The following YTHDF1 variants were observed in gnomAD, a reference collection of about 807,000 sequenced individuals.
The protein encoded by YTHDF1 is YTH domain-containing family protein 1.
In YTHDF1, 16 loss-of-function variants were observed where a neutral mutation model predicts 49.1. The ratio of observed to expected loss-of-function variants is 0.33; its 90% CI spans 0.22 to 0.49. The LOEUF is 0.49. Among genes scored for constraint, YTHDF1 ranks in the 20% least tolerant of loss-of-function variants. YTHDF1 has a pLI of 0.99. For missense variants in YTHDF1, 621 were observed against 744.3 expected (o/e 0.83, Z 1.93); for synonymous variants, 313 against 290.1 (o/e 1.08, Z -0.80).
Position 63,203,524 on chromosome 20 carries a change from C to A in YTHDF1, c.416G>T (p.Gly139Val). ...FSAWGTSGSQGQQTQSSAYGS... is the reference protein window; with the variant it reads ...FSAWGTSGSQVQQTQSSAYGS... ...ATACGCGGAGCTCTGGGTCTGCTGA[C>A]CTTGAGACCCACTTGTCCCCCATGC... is the stretch of plus-strand genomic sequence containing the variant. The change falls in exon 4 of 5, where the codon GGT becomes GTT. Residue 139 changes from glycine to valine, a missense_variant. Gly to Val is a moderately radical substitution (Grantham distance 109). Transcript: ENST00000370339. This position sits in a 1 kb window ranked among gnomAD's most constrained non-coding sequence, Gnocchi z 4.4. 6.2e-7 allele frequency: 1 copy of A among 1,613,966 alleles called. No individual in the cohort carries two copies. The highest frequency in any genetic ancestry group is 8.5e-7 in the Non-Finnish European group (1 of 1,180,040).
intron 1 of YTHDF1, 23 bp from the exon 2 acceptor site, chr20:63,215,624 G>A: frequency 1.9e-6 from 3 of 1,604,950 alleles, no homozygotes; most frequent in Non-Finnish European, 2.6e-6. Context: ...AGGCCGGGAC[G>A]TGGGGTACAC....
rs2066600442 is a variant in YTHDF1, at chr20:63,215,954, C to T, written c.-62G>A. ...GCCGGCTCGGGCCTCCCCTAGAGGC[C>T]GGGCCTGTCACCCTAGCTCGCGCGG... On this transcript the variant is annotated 5_prime_UTR_variant, in exon 1 of 5. Coordinates refer to ENST00000370339, the MANE Select transcript of YTHDF1 (RefSeq NM_017798.4). 3.2e-6 allele frequency: 4 copies of T among 1,239,322 alleles called. No homozygotes were observed. Among genetic ancestry groups the T allele is most frequent in the South Asian group, 2.9e-5 (1 of 35,030 alleles). The allele number at this position is 1,239,322 out of a possible 1,614,324, so 76.8% of individuals were successfully genotyped here. A position where few individuals can be genotyped will look rare whatever the true frequency, so the allele number is the denominator to read the frequency against.
At chr20:63,201,609 C>A (rs962573350) in intron 4 of YTHDF1, among the ~76,000 whole-genome samples, 1 of 152,194 alleles carries the variant, frequency 6.6e-6, no homozygotes, top group African/African-American at 2.4e-5. Flanking sequence ...CAAAAAGGCC[C>A]AGTCAATGAA....
chr20:63,215,871 T>C lies in YTHDF1; in HGVS notation c.22A>G (p.Thr8Ala). 1 of 1,451,912 alleles carries C rather than the reference T, an allele frequency of 6.9e-7. No individual in the cohort carries two copies. Among genetic ancestry groups the C allele is most frequent in the South Asian group, 1.4e-5 (1 of 73,938 alleles). The allele number at this position is 1,451,912 out of a possible 1,614,324, so 89.9% of individuals were successfully genotyped here. A position where few individuals can be genotyped will look rare whatever the true frequency, so the allele number is the denominator to read the frequency against. Residue 8 changes from threonine (T) to alanine (A), a missense_variant, in exon 1 of 5, where the codon ACC becomes GCC. Thr to Ala is a moderately conservative substitution (Grantham distance 58, BLOSUM62 0). This residue lies in a region of YTHDF1 where 470 missense variants were observed against 495.8 expected (regional missense o/e 0.95). Coordinates refer to ENST00000370339, the MANE Select transcript of YTHDF1 (RefSeq NM_017798.4). ...CTGTAACCCGGCCCCGCTACCTGGGTGTCCACGCTGGTGGCCGACATGCTT... is the reference window on the plus strand; with the variant it reads ...CTGTAACCCGGCCCCGCTACCTGGGCGTCCACGCTGGTGGCCGACATGCTT... MSATSVD[T>A]QRTKGQDNKV...
At chr20:63,197,504 A>G (rs1444294353) in intron 4 of YTHDF1, among the ~76,000 whole-genome samples, 1 of 152,226 alleles carries the variant, frequency 6.6e-6, no homozygotes, top group African/African-American at 2.4e-5. Flanking sequence ...AGGGTCTAGA[A>G]GCCCCTTCAG....
chr20:63,200,740 C>A (rs1280625335), intron 4 of YTHDF1, among the ~76,000 whole-genome samples: 1 of 152,228 alleles, frequency 6.6e-6, no homozygotes, highest in East Asian at 1.9e-4. Flanking sequence ...CAGGAGTCCG[C>A]ACACTTTATG....
chr20:63,213,158 G>A (rs760811135), intron 3 of YTHDF1, among the ~76,000 whole-genome samples: 2 of 152,246 alleles, frequency 1.3e-5, no homozygotes, highest in Admixed American at 6.5e-5. Context: ...CAGGCTGGGC[G>A]CGGTGCCTCA....
chr20:63,203,357 C>G lies in YTHDF1; in HGVS notation c.583G>C (p.Val195Leu). ...ACCGTCTTGACGGCGGAGGAGCTGA[C>G]GTCCCCAATCTTCAGGCCAACCATG... ...QGMVGLKIGDVSSSAVKTVGS... is the reference protein window; with the variant it reads ...QGMVGLKIGDLSSSAVKTVGS... Residue 195 changes from valine (V) to leucine (L), a missense_variant, in exon 4 of 5, where the codon GTC becomes CTC. Physicochemically the swap from Val to Leu is conservative, Grantham distance 32. Coordinates refer to ENST00000370339, the MANE Select transcript of YTHDF1 (RefSeq NM_017798.4). This position sits in a 1 kb window ranked among gnomAD's most constrained non-coding sequence, Gnocchi z 4.4. 3 of 1,613,078 alleles carry G rather than the reference C, an allele frequency of 1.9e-6. No individual in the cohort carries two copies. Among genetic ancestry groups the G allele is most frequent in the Non-Finnish European group, 2.5e-6 (3 of 1,179,758 alleles).
chr20:63,212,054 A>C (rs964132255), intron 3 of YTHDF1, among the ~76,000 whole-genome samples: 21 of 152,112 alleles, frequency 1.4e-4, no homozygotes, highest in African/African-American at 4.6e-4. Context: ...ATTGGCTAAA[A>C]TTCAGTACAT....
intron 3 of YTHDF1, among the ~76,000 whole-genome samples, chr20:63,210,006 AATT>A (rs1301473463): frequency 1.3e-5 from 2 of 152,166 alleles, no homozygotes; most frequent in Non-Finnish European, 2.9e-5. Flanking sequence ...GTTTATCATC[AATT>A]ATTACGTACT....
At chr20:63,196,762 C>A in intron 4 of YTHDF1, 28 bp from the exon 5 acceptor site, 2 of 1,613,594 alleles carry the variant, frequency 1.2e-6, no homozygotes, top group South Asian at 1.1e-5. Flanking sequence ...AAAAGTTGAA[C>A]GCAGAGTAAC....
chr20:63,206,085 G>C (rs189428870), intron 3 of YTHDF1, among the ~76,000 whole-genome samples: 1 of 152,350 alleles, frequency 6.6e-6, no homozygotes, highest in African/African-American at 2.4e-5. Flanking sequence ...ACTGGCCGCA[G>C]GTGCCTTCAA....
rs1162787419 is a variant in YTHDF1, at chr20:63,202,950, G to A, written c.990C>T (p.Ala330=). ...CAAACGCCGCGTTTCTGTTGCGTGG[G>A]GCAACCCAGCGGGTCTGGGGTGGCT... ...PQQPPQTRWV[A]PRNRNAAFGQ... is the part of the protein sequence containing the mutation. The change falls in exon 4 of 5, where the codon GCC becomes GCT. Residue 330 remains alanine (A), a synonymous_variant. Transcript: ENST00000370339. 6.2e-7 allele frequency: 1 copy of A among 1,614,010 alleles called. No homozygotes were observed.
At chr20:63,201,838 C>A (rs1601232502) in intron 4 of YTHDF1, among the ~76,000 whole-genome samples, 1 of 152,230 alleles carries the variant, frequency 6.6e-6, no homozygotes, top group South Asian at 2.1e-4. Context: ...GGGCCCTTGG[C>A]CAGGTGGGGT....
At position 63,202,296 on chromosome 20, in the gene YTHDF1, C is replaced by G. The variant is rs770176924; in HGVS notation, c.1644G>C (p.Val548=). The change falls in exon 4 of 5, where the codon GTG becomes GTC. Residue 548 remains valine, a synonymous_variant. Coordinates refer to ENST00000370339, the MANE Select transcript of YTHDF1 (RefSeq NM_017798.4). ...HYEKRQEEEE[V]VRKERQSRNK... Reference sequence around the variant, plus strand: ...CAACACCCAGCCTCACCTTGCGCACCACCTCCTCCTCCTCCTGGCGCTTCT... The same window carrying G: ...CAACACCCAGCCTCACCTTGCGCACGACCTCCTCCTCCTCCTGGCGCTTCT... The G allele has an allele frequency of 6.2e-6, 10 of 1,612,122 alleles. No individual in the cohort carries two copies. The highest frequency in any genetic ancestry group is 7.6e-6 in the Non-Finnish European group (9 of 1,178,582).
At chr20:63,202,063 A>G (rs1173956498) in intron 4 of YTHDF1, among the ~76,000 whole-genome samples, 1 of 152,286 alleles carries the variant, frequency 6.6e-6, no homozygotes, top group Non-Finnish European at 1.5e-5. Context: ...TCGTTCGGTG[A>G]CATCTACCCA....
intron 4 of YTHDF1, 79 bp downstream of exon 4, chr20:63,202,208 C>G (rs2066520596): frequency 6.6e-7 from 1 of 1,520,590 alleles, no homozygotes; most frequent in Admixed American, 2.0e-5. Context: ...GCCGCATCTG[C>G]TCACCACCGG....
chr20:63,210,424 A>G (rs1279394288), intron 3 of YTHDF1, among the ~76,000 whole-genome samples: 1 of 152,224 alleles, frequency 6.6e-6, no homozygotes, highest in African/African-American at 2.4e-5. Context: ...GTCATTTCAC[A>G]GTCTTTCCTT....
chr20:63,210,005 CAATT>C (rs1426334077), intron 3 of YTHDF1, among the ~76,000 whole-genome samples: 2 of 152,168 alleles, frequency 1.3e-5, no homozygotes, highest in South Asian at 2.1e-4. Context: ...CGTTTATCAT[CAATT>C]ATTACGTACT....
Sources: allele counts gnomAD v4.1 joint callset (sites outside exome capture counted in the v4.1 genomes callset), GRCh38; gene constraint gnomAD v4.1.1; regional missense constraint gnomAD v4.1.1; non-coding constraint Gnocchi (gnomAD v3.1); transcripts MANE v1.5; gene names NCBI Gene and HGNC (gene_info 2026-07-23, HGNC 2026-07-21).